Variants in TRDN observed in about 807,000 individuals in gnomAD.
TRDN encodes triadin in skeletal muscle.
Under a neutral mutation model 149.7 loss-of-function variants are expected in TRDN, and 161 were observed. The observed-to-expected ratio is 1.08, with a 90% CI of 0.95 to 1.23. The LOEUF is 1.23. TRDN is among the 50% of genes most tolerant of loss of function. TRDN has a pLI of 0.00. For synonymous variants in TRDN, 294 were observed against 250.5 expected (o/e 1.17, Z -1.64); for missense variants, 896 against 823.5 (o/e 1.09, Z -1.08).
At chr6:123,309,913 C>T (rs1778752760) in intron 24 of TRDN, among the ~76,000 whole-genome samples, 2 of 151,880 alleles carry the variant, frequency 1.3e-5, no homozygotes, top group African/African-American at 4.8e-5. Context: ...CCAGATCATA[C>T]AAGGTGCCAT....
intron 8 of TRDN, among the ~76,000 whole-genome samples, chr6:123,499,397 C>T (rs1778582180): frequency 6.6e-6 from 1 of 151,808 alleles, no homozygotes; most frequent in Non-Finnish European, 1.5e-5. Flanking sequence ...ACAGTCAGCC[C>T]TCCATTTCCC....
rs564290862 is a variant in TRDN, at chr6:123,499,219, C to G, written c.794-1967G>C. ...AGTATTTTTAATATAACATCCCCTCCAAATGAAATATTATCTGCCCCATGT... is the reference window on the plus strand; with the variant it reads ...AGTATTTTTAATATAACATCCCCTCGAAATGAAATATTATCTGCCCCATGT... On this transcript the variant is annotated intron_variant, in intron 8 of 40. Transcript: ENST00000334268. Among the ~76,000 whole-genome samples the G allele has an allele frequency of 3.0e-4, 45 of 152,198 alleles. 1 individual carries two copies. In the South Asian group the frequency reaches 8.9e-3, roughly 30 times the overall value.
At chr6:123,385,573 T>A (rs1336835754) in intron 14 of TRDN, among the ~76,000 whole-genome samples, 1 of 152,176 alleles carries the variant, frequency 6.6e-6, no homozygotes, top group Non-Finnish European at 1.5e-5. Flanking sequence ...TTTAGTCAAC[T>A]ATAATACTAG....
chr6:123,297,512 A>T (rs1280475021), intron 24 of TRDN, among the ~76,000 whole-genome samples: 1 of 152,074 alleles, frequency 6.6e-6, no homozygotes. Flanking sequence ...GACATTATAC[A>T]ATGATTATTT....
At chr6:123,356,503 TTATATATATATATATATATATATATATA>T (rs71021444) in intron 20 of TRDN, among the ~76,000 whole-genome samples, 5 of 106,992 alleles carry the variant, frequency 4.7e-5, no homozygotes, top group East Asian at 2.3e-4. Context: ...TACAAGAAGT[TTATATATATATATATATATATATATATA>T]TATATATATA....
chr6:123,265,960 T>G (rs916905661), intron 32 of TRDN, among the ~76,000 whole-genome samples: 1 of 145,978 alleles, frequency 6.9e-6, no homozygotes, highest in Non-Finnish European at 1.5e-5. Context: ...TATTTCTTCA[T>G]AAAAAGTAGA....
chr6:123,412,837 T>C (rs950612846), intron 12 of TRDN, among the ~76,000 whole-genome samples: 6 of 152,144 alleles, frequency 3.9e-5, no homozygotes, highest in Non-Finnish European at 2.9e-5. Context: ...AGAATAATTC[T>C]CATCATGTGA....
At chr6:123,267,629 G>T (rs1562238242) in intron 32 of TRDN, 78 bp downstream of exon 32, 1 of 971,020 alleles carries the variant, frequency 1.0e-6, no homozygotes, top group Non-Finnish European at 1.5e-6. Flanking sequence ...AAAATGACTT[G>T]TATGCATTAC....
At chr6:123,428,959 G>A (rs1416416838) in intron 12 of TRDN, among the ~76,000 whole-genome samples, 1 of 152,010 alleles carries the variant, frequency 6.6e-6, no homozygotes, top group African/African-American at 2.4e-5. Flanking sequence ...AATGAATGAA[G>A]GAAAGCATAA....
Position 123,218,002 on chromosome 6 carries a change from T to A in TRDN, c.*599A>T, listed in dbSNP as rs908806272. 3.3e-5 allele frequency: 5 copies of A among 151,966 alleles called. No individual in the cohort carries two copies. The highest frequency in any genetic ancestry group is 1.2e-4 in the African/African-American group (5 of 41,428). 9.4% of individuals were successfully genotyped at this position (151,966 alleles called of 1,614,324 possible). A position where few individuals can be genotyped will look rare whatever the true frequency, so the allele number is the denominator to read the frequency against. On this transcript the variant is annotated 3_prime_UTR_variant, in exon 41 of 41. Coordinates refer to ENST00000334268, the MANE Select transcript of TRDN (RefSeq NM_006073.4). ...TACCATGTCTAAAGCTCAGAGATATTTTGAGCTCTAAAAGAGTATCACAAG... is the reference window on the plus strand; with the variant it reads ...TACCATGTCTAAAGCTCAGAGATATATTGAGCTCTAAAAGAGTATCACAAG...
chr6:123,252,872 A>G (rs1776421967), intron 37 of TRDN, among the ~76,000 whole-genome samples: 1 of 152,146 alleles, frequency 6.6e-6, no homozygotes, highest in Non-Finnish European at 1.5e-5. Flanking sequence ...GTCACAAAAT[A>G]TTTATGCTTT....
chr6:123,636,733 A>C, intron 1 of TRDN, 21 bp downstream of exon 1: 1 of 1,611,064 alleles, frequency 6.2e-7, no homozygotes, highest in Non-Finnish European at 8.5e-7. Flanking sequence ...ACTTGATACT[A>C]TCGGAAAATG....
At chr6:123,551,909 A>T (rs949037830) in intron 2 of TRDN, among the ~76,000 whole-genome samples, 1 of 152,062 alleles carries the variant, frequency 6.6e-6, no homozygotes, top group African/African-American at 2.4e-5. Flanking sequence ...CTTGCTCTTA[A>T]AAGGAAGAAC....
chr6:123,613,568 T>G (rs1000367820), intron 1 of TRDN, among the ~76,000 whole-genome samples: 1 of 152,152 alleles, frequency 6.6e-6, no homozygotes, highest in Non-Finnish European at 1.5e-5. Flanking sequence ...CAGTGCCTTG[T>G]AGAGAGAAAT....
At chr6:123,345,300 A>G (rs1246148898) in intron 21 of TRDN, among the ~76,000 whole-genome samples, 1 of 151,836 alleles carries the variant, frequency 6.6e-6, no homozygotes, top group Non-Finnish European at 1.5e-5. Flanking sequence ...TGCAACACCA[A>G]TTTGTTCAAA....
intron 1 of TRDN, among the ~76,000 whole-genome samples, chr6:123,595,845 T>C (rs1338343305): frequency 6.6e-6 from 1 of 152,108 alleles, no homozygotes; most frequent in Non-Finnish European, 1.5e-5. Flanking sequence ...GACTGTTCCA[T>C]TAACTGGCCA....
At chr6:123,220,136 C>A (rs994686740) in intron 40 of TRDN, among the ~76,000 whole-genome samples, 1 of 151,718 alleles carries the variant, frequency 6.6e-6, no homozygotes, top group Non-Finnish European at 1.5e-5. Context: ...TATTTGACAC[C>A]ATTTTACTAA....
intron 12 of TRDN, among the ~76,000 whole-genome samples, chr6:123,419,107 G>C (rs899041097): frequency 1.3e-5 from 2 of 151,924 alleles, no homozygotes; most frequent in South Asian, 4.2e-4. Context: ...TTCTCTGAAA[G>C]AAGCATTTCC....
chr6:123,269,073 T>A (rs369635555), intron 31 of TRDN, among the ~76,000 whole-genome samples: 1 of 152,016 alleles, frequency 6.6e-6, no homozygotes, highest in Non-Finnish European at 1.5e-5. Context: ...CAGCCATTCA[T>A]GCATTTGTCT....
Sources: allele counts gnomAD v4.1 joint callset (sites outside exome capture counted in the v4.1 genomes callset), GRCh38; gene constraint gnomAD v4.1.1; transcripts MANE v1.5; gene names NCBI Gene and HGNC (gene_info 2026-07-23, HGNC 2026-07-21).